SORL1: variants seen among roughly 807,000 people sequenced by gnomAD.
SORL1 encodes sortilin-related receptor.
SORL1 carries 127 observed loss-of-function variants against 273.7 expected under a neutral mutation model. That is an observed-to-expected ratio of 0.46 (90% CI 0.40 to 0.54). The LOEUF (loss-of-function observed/expected upper bound fraction) is 0.54, where lower values mean the gene tolerates loss of function less well. Among genes scored for constraint, SORL1 ranks in the 20% least tolerant of loss-of-function variants. The pLI is 0.00. For missense variants in SORL1, 2,494 were observed against 2,846.1 expected (o/e 0.88, Z 2.81); for synonymous variants, 1,031 against 1,067.4 (o/e 0.97, Z 0.66).
intron 6 of SORL1, among the ~76,000 whole-genome samples, chr11:121,506,879 T>G (rs988932453): frequency 6.6e-6 from 1 of 152,214 alleles, no homozygotes; most frequent in African/African-American, 2.4e-5. Context: ...GGATCCTTTA[T>G]TACTTCATTA....
At chr11:121,606,758 T>TGG in intron 35 of SORL1, 87 bp from the exon 36 acceptor site, 8 of 872,842 alleles carry the variant, frequency 9.2e-6, no homozygotes, top group Non-Finnish European at 7.7e-6. Flanking sequence ...TGTGGAGTCG[T>TGG]TCTTGTCCTT....
intron 41 of SORL1, among the ~76,000 whole-genome samples, chr11:121,618,034 GC>G: frequency 6.6e-6 from 1 of 152,166 alleles, no homozygotes; most frequent in East Asian, 1.9e-4. Context: ...GGCCTCCTGG[GC>G]CTGCAGTCAT....
rs118173551 is a variant in SORL1 at position 121,594,943 on chromosome 11, A to G, written c.4370-680A>G. Among the ~76,000 whole-genome samples, 31 of 152,322 alleles carry G rather than the reference A, an allele frequency of 2.0e-4. No homozygotes were observed. The East Asian group carries it at 6.0e-3, about 29-fold the overall frequency. ...GATTATTAGATCTCCTGCCTAGACA[A>G]TAATTACCTTATTGCTAGGATCCTC... On this transcript the variant is annotated intron_variant, in intron 31 of 47. Coordinates refer to ENST00000260197, the MANE Select transcript of SORL1 (RefSeq NM_003105.6).
intron 14 of SORL1, 34 bp downstream of exon 14, chr11:121,545,463 G>T: frequency 6.2e-7 from 1 of 1,603,728 alleles, no homozygotes; most frequent in Non-Finnish European, 8.5e-7. Flanking sequence ...GGACTGAGTT[G>T]TGTTTTATTC....
intron 33 of SORL1, 96 bp from the exon 34 acceptor site, chr11:121,605,017 C>T (rs757339203): frequency 3.7e-5 from 38 of 1,025,476 alleles, no homozygotes; most frequent in Admixed American, 7.4e-5. Flanking sequence ...GCAATTTGCC[C>T]GCCTCGGCCT....
intron 25 of SORL1, among the ~76,000 whole-genome samples, chr11:121,583,213 C>T (rs535057110): frequency 2.0e-5 from 3 of 152,280 alleles, no homozygotes; most frequent in Non-Finnish European, 2.9e-5. Flanking sequence ...GATTTTTTAA[C>T]GTGTGCATCT....
intron 1 of SORL1, among the ~76,000 whole-genome samples, chr11:121,464,650 G>A (rs56158406): frequency 0.022 from 3,399 of 152,318 alleles, 58 homozygotes; most frequent in Non-Finnish European, 0.037. Context: ...AACACTTGTG[G>A]GGTGATATGG....
chr11:121,469,111 C>T (rs1156948821), intron 1 of SORL1, among the ~76,000 whole-genome samples: 1 of 152,188 alleles, frequency 6.6e-6, no homozygotes, highest in Non-Finnish European at 1.5e-5. Flanking sequence ...CAGCCTCCTT[C>T]CGTCTTCGGC....
At chr11:121,515,115 A>G (rs1861932440) in intron 8 of SORL1, among the ~76,000 whole-genome samples, 1 of 152,302 alleles carries the variant, frequency 6.6e-6, no homozygotes, top group African/African-American at 2.4e-5. Flanking sequence ...TTTCTGGGCA[A>G]TTCATTCCGT....
intron 12 of SORL1, among the ~76,000 whole-genome samples, chr11:121,540,714 T>C (rs1862335897): frequency 6.6e-6 from 1 of 152,184 alleles, no homozygotes; most frequent in Admixed American, 6.5e-5. Flanking sequence ...AAATGAGCAG[T>C]GTATTTTCAG....
chr11:121,621,295 G>T (rs1468231922), intron 44 of SORL1, 57 bp downstream of exon 44: 1 of 1,455,652 alleles, frequency 6.9e-7, no homozygotes, highest in Non-Finnish European at 9.5e-7. Flanking sequence ...GTGCTGTGCC[G>T]CTAGACCTCC....
chr11:121,524,913 CT>C (rs950397599), intron 11 of SORL1, among the ~76,000 whole-genome samples: 116 of 151,672 alleles, frequency 7.6e-4, no homozygotes, highest in African/African-American at 2.4e-3. Context: ...CGTTTTTGTG[CT>C]TTTTTTCTTT....
intron 11 of SORL1, among the ~76,000 whole-genome samples, chr11:121,529,545 C>A (rs185595274): frequency 6.6e-6 from 1 of 152,022 alleles, no homozygotes; most frequent in Admixed American, 6.6e-5. Flanking sequence ...AACATCCATT[C>A]GCTTTCAACC....
chr11:121,570,255 G>C lies in SORL1; in HGVS notation c.3322G>C (p.Asp1108His), dbSNP rs1298299676. ...TGACAACGACTGTGGAGACATGAGCGATGAGAGAAACTGCCGTGAGTCTTC... is the reference window on the plus strand; with the variant it reads ...TGACAACGACTGTGGAGACATGAGCCATGAGAGAAACTGCCGTGAGTCTTC... ...DFDNDCGDMS[D>H]ERNCPTTICD... Residue 1108 changes from aspartate (D) to histidine (H), a missense_variant, in exon 23 of 48, where the codon GAT (aspartate) becomes CAT (histidine). Around this residue, in one of 3 missense-constraint regions of SORL1, gnomAD observed 1,609 missense variants for 1,816.4 expected, o/e 0.89. Coordinates refer to ENST00000260197, the MANE Select transcript of SORL1 (RefSeq NM_003105.6). 1 of 1,612,400 alleles carries C rather than the reference G, an allele frequency of 6.2e-7. No homozygotes were observed. Among genetic ancestry groups the C allele is most frequent in the Non-Finnish European group, 8.5e-7 (1 of 1,178,534 alleles).
chr11:121,575,903 A>G (rs775769177), intron 24 of SORL1, among the ~76,000 whole-genome samples: 1 of 152,162 alleles, frequency 6.6e-6, no homozygotes, highest in African/African-American at 2.4e-5. Flanking sequence ...TCCTCTGTTC[A>G]TGGCTCATTC....
chr11:121,620,856 A>G (rs563368462), intron 43 of SORL1, among the ~76,000 whole-genome samples: 2 of 151,878 alleles, frequency 1.3e-5, no homozygotes, highest in East Asian at 1.9e-4. Context: ...TGATAACTCT[A>G]TGTGCAATTC....
intron 35 of SORL1, among the ~76,000 whole-genome samples, chr11:121,606,201 G>A (rs758582554): frequency 1.2e-4 from 19 of 152,118 alleles, no homozygotes; most frequent in Non-Finnish European, 2.6e-4. Context: ...GGGATTACAG[G>A]TGTGAGCCAC....
At chr11:121,611,011 T>C (rs1252555931) in intron 38 of SORL1, 65 bp from the exon 39 acceptor site, 23 of 1,107,842 alleles carry the variant, frequency 2.1e-5, no homozygotes, top group Non-Finnish European at 3.2e-5. Context: ...TTGAAAACTA[T>C]TAAGTCCTGC....
In SORL1 at chr11:121,554,171, C is replaced by A; in HGVS notation, c.2439+62C>A. The A allele has an allele frequency of 6.8e-7, 1 of 1,474,698 alleles. No homozygotes were observed. The highest frequency in any genetic ancestry group is 9.3e-7 in the Non-Finnish European group (1 of 1,072,372). 91.4% of individuals were successfully genotyped at this position (1,474,698 alleles called of 1,614,324 possible). On this transcript the variant is annotated intron_variant, in intron 17 of 47. Coordinates refer to ENST00000260197, the MANE Select transcript of SORL1 (RefSeq NM_003105.6). This position sits in a 1 kb window ranked among gnomAD's most constrained non-coding sequence, Gnocchi z 4.6. Reference sequence around the variant, plus strand: ...ATCGTGACTGCCCTGTCCTGATAAGCTGCATGCAGAATGGCCTATGGAAAT... The same window carrying A: ...ATCGTGACTGCCCTGTCCTGATAAGATGCATGCAGAATGGCCTATGGAAAT...
Sources: gnomAD v4.1 joint callset for allele counts (sites outside exome capture counted in the v4.1 genomes callset) on GRCh38, gnomAD v4.1.1 for gene constraint, gnomAD v4.1.1 regional missense constraint, Gnocchi (gnomAD v3.1) non-coding constraint, MANE v1.5 for transcripts, NCBI Gene and HGNC (gene_info 2026-07-23, HGNC 2026-07-21) for gene names.